The following BTRC variants were observed in gnomAD, a reference collection of about 807,000 sequenced individuals.
The protein encoded by BTRC is F-box/WD repeat-containing protein 1A.
A neutral mutation model predicts 85.5 loss-of-function variants in BTRC; 42 were observed. That is an observed-to-expected ratio of 0.49 (90% CI 0.38 to 0.64). The LOEUF (loss-of-function observed/expected upper bound fraction) is 0.64. BTRC is among the 30% of genes least tolerant of loss of function. BTRC has a pLI of 0.00. For synonymous variants in BTRC, 255 were observed against 263.3 expected (o/e 0.97, Z 0.30); for missense variants, 594 against 743.5 (o/e 0.80, Z 2.34).
intron 1 of BTRC, among the ~76,000 whole-genome samples, chr10:101,360,614 G>A (rs1435998371): frequency 6.6e-6 from 1 of 151,724 alleles, no homozygotes; most frequent in African/African-American, 2.4e-5. Context: ...CAGGTGATCC[G>A]ACCGCCTCGG....
In BTRC at chr10:101,389,115, GTGTGTT is replaced by G. The variant is rs1943162302; in HGVS notation, c.48+34889_48+34894del. Reference sequence around the variant, plus strand: ...ATGTTGCATAATTGTGATTTTTTGTGTGTGTTTTTTTTTTTTTTTTTTTTTTTTTTT... The same window carrying G: ...ATGTTGCATAATTGTGATTTTTTGTGTTTTTTTTTTTTTTTTTTTTTTTTT... On this transcript the variant is annotated intron_variant, in intron 1 of 14. Coordinates refer to ENST00000370187, the MANE Select transcript of BTRC (RefSeq NM_033637.4). Among the ~76,000 whole-genome samples, 26 of 35,466 alleles carry G rather than the reference GTGTGTT, an allele frequency of 7.3e-4. 1 individual carries two copies. The highest frequency in any genetic ancestry group is 1.8e-3 in the East Asian group (1 of 562). The allele number at this position is 35,466 out of a possible 152,430, so 23.3% of individuals were successfully genotyped here. A position where few individuals can be genotyped will look rare whatever the true frequency, so the allele number is the denominator to read the frequency against.
At chr10:101,512,067 T>C (rs1425869140) in intron 4 of BTRC, among the ~76,000 whole-genome samples, 1 of 152,240 alleles carries the variant, frequency 6.6e-6, no homozygotes, top group Non-Finnish European at 1.5e-5. Flanking sequence ...AAAGACACTT[T>C]GTATGCCTGT....
chr10:101,539,504 A>G (rs988775712), intron 13 of BTRC, among the ~76,000 whole-genome samples: 2 of 152,186 alleles, frequency 1.3e-5, no homozygotes, highest in South Asian at 4.1e-4. Flanking sequence ...GTGGCACTAC[A>G]TGTTGCTGAT....
intron 1 of BTRC, among the ~76,000 whole-genome samples, chr10:101,365,682 G>A (rs1942352225): frequency 6.6e-6 from 1 of 151,812 alleles, no homozygotes; most frequent in Non-Finnish European, 1.5e-5. Flanking sequence ...TCACCATGTT[G>A]GCCAGGCTGG....
intron 2 of BTRC, among the ~76,000 whole-genome samples, chr10:101,455,794 T>C (rs1945059679): frequency 6.6e-6 from 1 of 152,174 alleles, no homozygotes; most frequent in Admixed American, 6.5e-5. Flanking sequence ...TTTATCCTGT[T>C]ATTGCCAAAA....
intron 2 of BTRC, among the ~76,000 whole-genome samples, chr10:101,438,349 C>T (rs1305698209): frequency 3.1e-5 from 4 of 127,164 alleles, no homozygotes; most frequent in South Asian, 2.7e-4. Flanking sequence ...GGCATGAACC[C>T]GGGAGGCAGA....
chr10:101,461,361 T>A (rs940106833), intron 2 of BTRC, among the ~76,000 whole-genome samples: 5 of 152,188 alleles, frequency 3.3e-5, no homozygotes, highest in Non-Finnish European at 7.3e-5. Context: ...GAACTCATTT[T>A]CAGTTGGATT....
chr10:101,434,985 G>A (rs1183721370), intron 2 of BTRC, among the ~76,000 whole-genome samples: 1 of 151,726 alleles, frequency 6.6e-6, no homozygotes, highest in African/African-American at 2.4e-5. Flanking sequence ...CTTATGTACT[G>A]GTTTTACCCT....
At chr10:101,501,196 A>T (rs1946392609) in intron 4 of BTRC, among the ~76,000 whole-genome samples, 1 of 151,628 alleles carries the variant, frequency 6.6e-6, no homozygotes, top group African/African-American at 2.4e-5. Flanking sequence ...TCAAAAAAAA[A>T]AAAAGAGGTG....
chr10:101,500,057 A>G (rs1187706982), intron 4 of BTRC, among the ~76,000 whole-genome samples: 1 of 151,118 alleles, frequency 6.6e-6, no homozygotes, highest in Non-Finnish European at 1.5e-5. Flanking sequence ...TGGGTTTTTT[A>G]TATCTAGTTG....
intron 10 of BTRC, 98 bp from the exon 11 acceptor site, chr10:101,535,256 G>A (rs1431334362): frequency 3.4e-6 from 3 of 894,584 alleles, no homozygotes; most frequent in East Asian, 4.8e-5. Flanking sequence ...TCCCTCTAAT[G>A]GTTCAGTCCT....
At chr10:101,382,327 C>T (rs748580477) in intron 1 of BTRC, among the ~76,000 whole-genome samples, 5 of 151,918 alleles carry the variant, frequency 3.3e-5, no homozygotes, top group Admixed American at 1.3e-4. Context: ...ATCCAGGATC[C>T]AATCATGTTA....
intron 4 of BTRC, among the ~76,000 whole-genome samples, chr10:101,481,223 C>T (rs192300973): frequency 4.7e-4 from 71 of 152,286 alleles, no homozygotes; most frequent in Non-Finnish European, 8.4e-4. Context: ...GGATTACAAG[C>T]GTGAGCCACT....
chr10:101,535,984 T>C (rs2062379203), intron 11 of BTRC, among the ~76,000 whole-genome samples: 1 of 152,266 alleles, frequency 6.6e-6, no homozygotes, highest in Non-Finnish European at 1.5e-5. Context: ...GAGCTACTGT[T>C]TGTTATATCT....
At chr10:101,462,106 CA>C in intron 3 of BTRC, 48 bp downstream of exon 3, 1 of 1,273,960 alleles carries the variant, frequency 7.8e-7, no homozygotes, top group African/African-American at 3.4e-5. Context: ...AACAGCAAAA[CA>C]AAAGACAGGA....
At chr10:101,420,922 T>C (rs1191839105) in intron 1 of BTRC, among the ~76,000 whole-genome samples, 1 of 151,614 alleles carries the variant, frequency 6.6e-6, no homozygotes, top group Non-Finnish European at 1.5e-5. Flanking sequence ...ATTACTTACA[T>C]AGAAGTCAGT....
intron 1 of BTRC, among the ~76,000 whole-genome samples, chr10:101,385,605 CT>C (rs1401187511): frequency 1.5e-4 from 9 of 58,994 alleles, no homozygotes; most frequent in African/African-American, 2.6e-4. Flanking sequence ...TTTGTTCTTT[CT>C]TTCTTCTTCT....
chr10:101,467,842 C>T (rs1945420344), intron 3 of BTRC, among the ~76,000 whole-genome samples: 1 of 152,116 alleles, frequency 6.6e-6, no homozygotes, highest in Admixed American at 6.5e-5. Context: ...TTATTTAATA[C>T]TTTGGAAGAA....
chr10:101,551,733 G>GC (rs2062653416), intron 14 of BTRC, among the ~76,000 whole-genome samples: 1 of 152,150 alleles, frequency 6.6e-6, no homozygotes, highest in Admixed American at 6.5e-5. Flanking sequence ...AGTGATTCAC[G>GC]CCCAGCTGGG....
Sources: gnomAD v4.1 joint callset for allele counts (sites outside exome capture counted in the v4.1 genomes callset) on GRCh38, gnomAD v4.1.1 for gene constraint, MANE v1.5 for transcripts, NCBI Gene and HGNC (gene_info 2026-07-23, HGNC 2026-07-21) for gene names.